CFDP1: variants seen among roughly 807,000 people sequenced by gnomAD.
The protein encoded by CFDP1 is heterochromatin-stabilizing protein CFDP1.
In CFDP1, 31 loss-of-function variants were observed where a neutral mutation model predicts 40.1. The ratio of observed to expected loss-of-function variants is 0.77; its 90% CI spans 0.58 to 1.04. The LOEUF (loss-of-function observed/expected upper bound fraction) is 1.04. Among genes scored for constraint, CFDP1 ranks in the 50% least tolerant of loss-of-function variants. The pLI is 0.00. For missense variants in CFDP1, 423 were observed against 343.4 expected (o/e 1.23, Z -1.83); for synonymous variants, 167 against 120.0 (o/e 1.39, Z -2.56).
At chr16:75,408,647 G>A (rs925326040) in intron 4 of CFDP1, among the ~76,000 whole-genome samples, 6 of 151,570 alleles carry the variant, frequency 4.0e-5, no homozygotes, top group Admixed American at 2.6e-4. Context: ...ACGCTGGCAG[G>A]CACCTGTAAT....
At chr16:75,388,309 T>C (rs1597374381) in intron 5 of CFDP1, among the ~76,000 whole-genome samples, 1 of 152,230 alleles carries the variant, frequency 6.6e-6, no homozygotes, top group Non-Finnish European at 1.5e-5. Flanking sequence ...TAGACATTAT[T>C]TATTCTTTAT....
chr16:75,349,533 G>C (rs2078593560), intron 5 of CFDP1, among the ~76,000 whole-genome samples: 1 of 145,332 alleles, frequency 6.9e-6, no homozygotes, highest in South Asian at 2.2e-4. Flanking sequence ...AAGAAATATA[G>C]TTCCTAGCAC....
At chr16:75,371,425 T>C (rs1386485615) in intron 5 of CFDP1, among the ~76,000 whole-genome samples, 1 of 152,220 alleles carries the variant, frequency 6.6e-6, no homozygotes, top group Non-Finnish European at 1.5e-5. Context: ...AAAATAGTGA[T>C]GTCAAAGCAG....
rs1408114673 is a variant in CFDP1, at chr16:75,303,397, A to ATG, written c.809+1626_809+1627insCA. On this transcript the variant is annotated intron_variant, in intron 6 of 6. Transcript: ENST00000283882. ...AATAAATAAATAAATAAATAAATAA[A>ATG]TAAATGTATGTATGTATGTATGTAT... Among the ~76,000 whole-genome samples, 59 of 136,568 alleles carry ATG rather than the reference A, an allele frequency of 4.3e-4. 1 individual carries two copies. Among genetic ancestry groups the ATG allele is most frequent in the Middle Eastern group, 3.6e-3 (1 of 280 alleles). 89.6% of individuals were successfully genotyped at this position (136,568 alleles called of 152,430 possible). A position where few individuals can be genotyped will look rare whatever the true frequency, so the allele number is the denominator to read the frequency against.
chr16:75,378,555 C>T (rs1055102081), intron 5 of CFDP1, among the ~76,000 whole-genome samples: 2 of 152,088 alleles, frequency 1.3e-5, no homozygotes, highest in East Asian at 1.9e-4. Context: ...TTATTTGCCA[C>T]GTACCAGGCT....
intron 5 of CFDP1, among the ~76,000 whole-genome samples, chr16:75,369,392 A>T (rs1213294284): frequency 1.3e-5 from 2 of 150,428 alleles, no homozygotes; most frequent in African/African-American, 4.9e-5. Flanking sequence ...CAAAAAAAAC[A>T]AAAACAAAAC....
At chr16:75,396,859 G>A (rs1048703964) in intron 4 of CFDP1, among the ~76,000 whole-genome samples, 2 of 152,066 alleles carry the variant, frequency 1.3e-5, no homozygotes, top group African/African-American at 2.4e-5. Flanking sequence ...TATTATGGCC[G>A]GCCTCAGTGG....
intron 5 of CFDP1, among the ~76,000 whole-genome samples, chr16:75,313,117 A>G (rs944278218): frequency 6.6e-6 from 1 of 152,192 alleles, no homozygotes; most frequent in Non-Finnish European, 1.5e-5. Flanking sequence ...CTCTTGCCAC[A>G]AAGAGTAACG....
chr16:75,325,927 C>T (rs1437686929), intron 5 of CFDP1, among the ~76,000 whole-genome samples: 1 of 152,174 alleles, frequency 6.6e-6, no homozygotes, highest in African/African-American at 2.4e-5. Flanking sequence ...TGGAAATTGT[C>T]CTAGGCTGGC....
chr16:75,413,528 A>G (rs6564260), intron 2 of CFDP1, among the ~76,000 whole-genome samples: 75,359 of 142,672 alleles, frequency 0.53, 20,613 homozygotes, highest in Admixed American at 0.65. Context: ...ACTCCAGCCT[A>G]GGCAACAGGG....
chr16:75,347,360 A>G (rs1393210646), intron 5 of CFDP1, among the ~76,000 whole-genome samples: 2 of 17,712 alleles, frequency 1.1e-4, no homozygotes, highest in South Asian at 1.7e-3. Flanking sequence ...AAAAAAAAAA[A>G]AAAAGAAAAA....
chr16:75,373,648 C>CT (rs957321354), intron 5 of CFDP1, among the ~76,000 whole-genome samples: 7 of 152,182 alleles, frequency 4.6e-5, no homozygotes, highest in African/African-American at 1.7e-4. Context: ...AGACTGTATT[C>CT]TTTTTATTTT....
intron 1 of CFDP1, among the ~76,000 whole-genome samples, chr16:75,427,704 T>C (rs1036722599): frequency 6.6e-6 from 1 of 152,170 alleles, no homozygotes; most frequent in Non-Finnish European, 1.5e-5. Flanking sequence ...AAGTTAAACA[T>C]ACACATACTA....
intron 5 of CFDP1, among the ~76,000 whole-genome samples, chr16:75,320,008 T>C (rs915033259): frequency 6.6e-6 from 1 of 152,218 alleles, no homozygotes; most frequent in East Asian, 1.9e-4. Context: ...AACCACAACA[T>C]TGTTTCTCTT....
intron 5 of CFDP1, among the ~76,000 whole-genome samples, chr16:75,330,653 G>A (rs2078439321): frequency 6.6e-6 from 1 of 152,202 alleles, no homozygotes; most frequent in Admixed American, 6.5e-5. Flanking sequence ...CCAGGATGGA[G>A]AGGTCTTTCT....
rs1162951313 is a variant in CFDP1 at position 75,394,658 on chromosome 16, C to CTTTTTTTTTTTTTTTTT, written c.650+415_650+431dup. Reference sequence around the variant, plus strand: ...AGAAAGCTACAACTAATTTTCTTCGCTTTTTTTTTTTTTTTTTTTTTTTAA... The same window carrying CTTTTTTTTTTTTTTTTT: ...AGAAAGCTACAACTAATTTTCTTCGCTTTTTTTTTTTTTTTTTTTTTTTTTTTTTTTTTTTTTTTTAA... On this transcript the variant is annotated intron_variant, in intron 5 of 6. Transcript: ENST00000283882. 2 of 103,292 alleles carry CTTTTTTTTTTTTTTTTT rather than the reference C, an allele frequency of 1.9e-5. 1 individual carries two copies. The allele number at this position is 103,292 out of a possible 1,614,324, so 6.4% of individuals were successfully genotyped here. A position where few individuals can be genotyped will look rare whatever the true frequency, so the allele number is the denominator to read the frequency against.
chr16:75,363,005 T>C (rs2078689988), intron 5 of CFDP1: 1 of 152,134 alleles, frequency 6.6e-6, no homozygotes, highest in Non-Finnish European at 1.5e-5. Context: ...ACTTGTCTTC[T>C]GATGACCCAG....
chr16:75,431,454 C>CCA (rs2079414461), intron 1 of CFDP1, among the ~76,000 whole-genome samples: 1 of 59,600 alleles, frequency 1.7e-5, no homozygotes, highest in African/African-American at 6.7e-5. Flanking sequence ...ACTCTTGTCT[C>CCA]AAAAAAAAAA....
chr16:75,383,300 C>T (rs1450296078), intron 5 of CFDP1, among the ~76,000 whole-genome samples: 1 of 152,122 alleles, frequency 6.6e-6, no homozygotes, highest in Non-Finnish European at 1.5e-5. Flanking sequence ...TTCCTCAATC[C>T]AAATTAAAGT....
Sources: allele counts gnomAD v4.1 joint callset (sites outside exome capture counted in the v4.1 genomes callset), GRCh38; gene constraint gnomAD v4.1.1; transcripts MANE v1.5; gene names NCBI Gene and HGNC (gene_info 2026-07-23, HGNC 2026-07-21).